RPS6KA5: variants seen among roughly 807,000 people sequenced by gnomAD.
The protein encoded by RPS6KA5 is ribosomal protein S6 kinase A5.
RPS6KA5 carries 27 observed loss-of-function variants against 85.5 expected under a neutral mutation model. The observed-to-expected ratio is 0.32, with a 90% CI of 0.23 to 0.44. RPS6KA5 has a LOEUF of 0.44. Ranked by LOEUF, RPS6KA5 falls within the 20% of genes least tolerant of loss-of-function variation. The pLI, the probability that RPS6KA5 is intolerant of heterozygous loss-of-function variation, is 1.00. For synonymous variants in RPS6KA5, 334 were observed against 348.2 expected (o/e 0.96, Z 0.46); for missense variants, 811 against 980.9 (o/e 0.83, Z 2.31).
chr14:90,955,258 T>C lies in RPS6KA5; in HGVS notation c.395-7708A>G, dbSNP rs571525701. ...TATGTAGTGTCTTCATTGTCTCTTA[T>C]TGAAACAATTTTCTTTTTTTAAATC... On this transcript the variant is annotated intron_variant, in intron 3 of 16. Transcript: ENST00000614987. Among the ~76,000 whole-genome samples, 35 of 152,276 alleles carry C rather than the reference T, an allele frequency of 2.3e-4. 1 individual carries two copies. The Middle Eastern group carries it at 0.014, about 59-fold the overall frequency.
At chr14:90,932,018 A>G (rs2037009753) in intron 5 of RPS6KA5, among the ~76,000 whole-genome samples, 1 of 152,214 alleles carries the variant, frequency 6.6e-6, no homozygotes, top group Non-Finnish European at 1.5e-5. Flanking sequence ...ACACAATTAA[A>G]ATTAATCCAC....
Position 90,923,157 on chromosome 14 carries a change from T to C in RPS6KA5, c.658A>G (p.Met220Val). 1 of 1,613,230 alleles carries C rather than the reference T, an allele frequency of 6.2e-7. No homozygotes were observed. The highest frequency in any genetic ancestry group is 8.5e-7 in the Non-Finnish European group (1 of 1,179,530). The change falls in exon 6 of 17, where the codon ATG (methionine) becomes GTG (valine). Residue 220 changes from methionine to valine, a missense_variant. Met to Val is a conservative substitution (Grantham distance 21). Around this residue, in one of 3 missense-constraint regions of RPS6KA5, gnomAD observed 650 missense variants for 793.4 expected, o/e 0.82. Transcript: ENST00000614987. ...CCCCCTCTGACAATATCTGGTGCCA[T>C]GTATTCAATAGTTCCACAAAAGGAA... Reference protein sequence around the residue: ...AYSFCGTIEYMAPDIVRGGDS... With the variant: ...AYSFCGTIEYVAPDIVRGGDS...
Position 90,890,468 on chromosome 14 carries a change from T to C in RPS6KA5, c.1836+19A>G, listed in dbSNP as rs746780968. ...CAAAGAAATAAGCAGGTTTAATGACTGTATTGAAAAGAACTCACCAAAATG... is the reference window on the plus strand; with the variant it reads ...CAAAGAAATAAGCAGGTTTAATGACCGTATTGAAAAGAACTCACCAAAATG... On this transcript the variant is annotated intron_variant, in intron 14 of 16. Coordinates refer to ENST00000614987, the MANE Select transcript of RPS6KA5 (RefSeq NM_004755.4). 6 of 1,578,836 alleles carry C rather than the reference T, an allele frequency of 3.8e-6. No individual in the cohort carries two copies. The African/African-American group carries it at 6.8e-5, about 18-fold the overall frequency.
rs762375512 is a variant in RPS6KA5 at position 90,890,606 on chromosome 14, G to A, written c.1717C>T (p.Pro573Ser). Residue 573 changes from proline to serine, a missense_variant, in exon 14 of 17, where the codon CCA becomes TCA. By Grantham distance (74) the Pro-to-Ser change is moderately conservative. Around this residue, in one of 3 missense-constraint regions of RPS6KA5, gnomAD observed 650 missense variants for 793.4 expected, o/e 0.82. Coordinates refer to ENST00000614987, the MANE Select transcript of RPS6KA5 (RefSeq NM_004755.4). ...IIDFGFARLK[P>S]PDNQPLKTPC... ...GTCTTCAGGGGCTGATTATCCGGTG[G>A]CTTTAGCCGTGCAAATCCAAAATCA... 1.2e-6 allele frequency: 2 copies of A among 1,614,180 alleles called. No individual in the cohort carries two copies. Among genetic ancestry groups the A allele is most frequent in the South Asian group, 1.1e-5 (1 of 91,080 alleles).
intron 2 of RPS6KA5, among the ~76,000 whole-genome samples, chr14:90,999,919 T>G (rs1437947374): frequency 6.6e-6 from 1 of 152,216 alleles, no homozygotes; most frequent in Non-Finnish European, 1.5e-5. Flanking sequence ...AAAATCCCGC[T>G]ACCACTAAGA....
chr14:90,938,796 C>T (rs10133079), intron 5 of RPS6KA5, among the ~76,000 whole-genome samples: 2,071 of 152,286 alleles, frequency 0.014, 56 homozygotes, highest in African/African-American at 0.047. Flanking sequence ...GCCCTGTGCC[C>T]GGCCCAGAAA....
chr14:90,874,815 A>G (rs2033344154), intron 15 of RPS6KA5, among the ~76,000 whole-genome samples: 1 of 151,082 alleles, frequency 6.6e-6, no homozygotes, highest in South Asian at 2.1e-4. Context: ...TGGCTGCAGA[A>G]GGCAGGCAGG....
Position 90,988,990 on chromosome 14 carries a change from T to C in RPS6KA5, c.176-10466A>G, listed in dbSNP as rs1355641878. On this transcript the variant is annotated intron_variant, in intron 2 of 16. Transcript: ENST00000614987. ...ATTTTTATTAAAAATATCACTTTAGTTGAAATTACTCCCAGAGATGCTAAT... is the reference window on the plus strand; with the variant it reads ...ATTTTTATTAAAAATATCACTTTAGCTGAAATTACTCCCAGAGATGCTAAT... 2.0e-5 allele frequency among the ~76,000 whole-genome samples: 3 copies of C among 152,188 alleles called. No individual in the cohort carries two copies. In the East Asian group the frequency reaches 5.8e-4, roughly 29 times the overall value.
intron 11 of RPS6KA5, 26 bp downstream of exon 11, chr14:90,900,082 G>T: frequency 6.5e-7 from 1 of 1,541,116 alleles, no homozygotes; most frequent in South Asian, 1.3e-5. Flanking sequence ...ACCTAAGAAA[G>T]AATATTATAT....
intron 1 of RPS6KA5, among the ~76,000 whole-genome samples, chr14:91,048,418 C>G (rs1345879613): frequency 6.6e-6 from 1 of 152,024 alleles, no homozygotes; most frequent in East Asian, 1.9e-4. Context: ...CTGCAATACC[C>G]CAAGCACTAT....
At chr14:90,955,240 T>C (rs2038437647) in intron 3 of RPS6KA5, among the ~76,000 whole-genome samples, 1 of 152,158 alleles carries the variant, frequency 6.6e-6, no homozygotes, top group African/African-American at 2.4e-5. Flanking sequence ...TAGTATGTAG[T>C]GTCTTCATTG....
rs1377850025 is a variant in RPS6KA5, at chr14:90,873,737, T to C, written c.2055A>G (p.Glu685=). ...RLKMSGLRYN[E]WLQDGSQLSS... Reference sequence around the variant, plus strand: ...ACAGCTGACTTCCATCTTGTAGCCATTCATTGTACCTCAAGCCAGACATTT... The same window carrying C: ...ACAGCTGACTTCCATCTTGTAGCCACTCATTGTACCTCAAGCCAGACATTT... Residue 685 remains glutamate (E), a synonymous_variant, in exon 16 of 17, where the codon GAA becomes GAG. Coordinates refer to ENST00000614987, the MANE Select transcript of RPS6KA5 (RefSeq NM_004755.4). 9.9e-6 allele frequency: 16 copies of C among 1,614,030 alleles called. No individual in the cohort carries two copies. The highest frequency in any genetic ancestry group is 1.2e-5 in the Non-Finnish European group (14 of 1,179,994).
intron 2 of RPS6KA5, among the ~76,000 whole-genome samples, chr14:90,995,309 A>G (rs746910180): frequency 6.6e-6 from 1 of 152,144 alleles, no homozygotes; most frequent in Admixed American, 6.5e-5. Flanking sequence ...TTTAAATCAC[A>G]TAAGTGGATA....
intron 1 of RPS6KA5, among the ~76,000 whole-genome samples, chr14:91,023,883 G>A (rs1356547681): frequency 6.6e-6 from 1 of 152,170 alleles, no homozygotes; most frequent in Non-Finnish European, 1.5e-5. Context: ...AGAGCTGTTT[G>A]TTATGAGAAC....
At chr14:90,967,488 C>G (rs2039127300) in intron 3 of RPS6KA5, among the ~76,000 whole-genome samples, 1 of 152,074 alleles carries the variant, frequency 6.6e-6, no homozygotes. Flanking sequence ...ATTATAATGA[C>G]TTAAATATAA....
intron 1 of RPS6KA5, among the ~76,000 whole-genome samples, chr14:91,043,025 C>T (rs552336426): frequency 6.6e-6 from 1 of 152,044 alleles, no homozygotes; most frequent in African/African-American, 2.4e-5. Flanking sequence ...TCAATCCATT[C>T]CAATCCGGCT....
intron 14 of RPS6KA5, among the ~76,000 whole-genome samples, chr14:90,889,205 A>T (rs2034408347): frequency 6.6e-6 from 1 of 151,454 alleles, no homozygotes; most frequent in Non-Finnish European, 1.5e-5. Context: ...GAGGCAGGAG[A>T]ATCGCTTGAA....
At chr14:90,997,599 T>TATAACAG (rs2040586826) in intron 2 of RPS6KA5, among the ~76,000 whole-genome samples, 1 of 152,116 alleles carries the variant, frequency 6.6e-6, no homozygotes, top group Non-Finnish European at 1.5e-5. Context: ...CAGGCTAGTC[T>TATAACAG]CCAAAGCAGC....
At chr14:90,876,149 A>G (rs1217036654) in intron 14 of RPS6KA5, among the ~76,000 whole-genome samples, 2 of 152,330 alleles carry the variant, frequency 1.3e-5, no homozygotes, top group African/African-American at 4.8e-5. Flanking sequence ...TAGATTTAAA[A>G]TCACATTTAT....
Sources: allele counts gnomAD v4.1 joint callset (sites outside exome capture counted in the v4.1 genomes callset), GRCh38; gene constraint gnomAD v4.1.1; regional missense constraint gnomAD v4.1.1; transcripts MANE v1.5; gene names NCBI Gene and HGNC (gene_info 2026-07-23, HGNC 2026-07-21).